PTK7: variants seen among roughly 807,000 people sequenced by gnomAD.
PTK7 encodes protein tyrosine kinase 7 (inactive).
A neutral mutation model predicts 116.6 loss-of-function variants in PTK7; 39 were observed. The ratio of observed to expected loss-of-function variants is 0.33; its 90% confidence interval spans 0.26 to 0.44. The LOEUF (loss-of-function observed/expected upper bound fraction) is 0.44, where lower values mean the gene tolerates loss of function less well. Ranked by LOEUF, PTK7 falls within the 20% of genes least tolerant of loss-of-function variation. The pLI is 1.00. For missense variants in PTK7, 1,169 were observed against 1,425.6 expected (o/e 0.82, Z 2.90); for synonymous variants, 546 against 563.6 (o/e 0.97, Z 0.44).
intron 17 of PTK7, among the ~76,000 whole-genome samples, chr6:43,149,905 G>A (rs1016397682): frequency 1.3e-5 from 2 of 152,184 alleles, no homozygotes; most frequent in African/African-American, 4.8e-5. Context: ...GGTAGGCAGG[G>A]TGTTCCCTGG....
intron 19 of PTK7, 76 bp downstream of exon 19, chr6:43,160,042 C>T: frequency 1.4e-6 from 2 of 1,464,546 alleles, no homozygotes; most frequent in Non-Finnish European, 1.8e-6. Context: ...AGGGCTGGTT[C>T]AGCCTACCTC....
chr6:43,091,820 G>C (rs1379543034), intron 1 of PTK7, among the ~76,000 whole-genome samples: 2 of 152,166 alleles, frequency 1.3e-5, no homozygotes, highest in South Asian at 4.2e-4. Flanking sequence ...CCAGTTTATC[G>C]AATGTCAGGG....
intron 5 of PTK7, among the ~76,000 whole-genome samples, chr6:43,131,015 G>T (rs1315428388): frequency 1.4e-5 from 2 of 146,684 alleles, no homozygotes; most frequent in African/African-American, 5.2e-5. Flanking sequence ...GCGTGATCCA[G>T]TGTGGCAAAG....
chr6:43,159,067 C>T, intron 18 of PTK7, 99 bp downstream of exon 18: 1 of 1,456,950 alleles, frequency 6.9e-7, no homozygotes, highest in East Asian at 2.3e-5. Context: ...GGTTTAGTGC[C>T]TGCTTAGTCC....
At position 43,109,010 on chromosome 6, in the gene PTK7, G is replaced by T. The variant is rs147821965; in HGVS notation, c.80-19967G>T. Among the ~76,000 whole-genome samples, 1,214 of 152,296 alleles carry T rather than the reference G, an allele frequency of 8.0e-3. 5 individuals are homozygous for T. The highest frequency in any genetic ancestry group is 0.017 in the Middle Eastern group (5 of 294). On this transcript the variant is annotated intron_variant, in intron 1 of 19. Coordinates refer to ENST00000230419, the MANE Select transcript of PTK7 (RefSeq NM_002821.5). ...ATTCTTTACTGATTTTCAAAATAAT[G>T]AGTTGGTTTTCTAACATTCTTCAAA...
chr6:43,099,323 C>T (rs778673947), intron 1 of PTK7, among the ~76,000 whole-genome samples: 9 of 151,098 alleles, frequency 6.0e-5, no homozygotes, highest in Non-Finnish European at 5.9e-5. Context: ...GCCTCGACTT[C>T]CCAGACTCAA....
intron 1 of PTK7, among the ~76,000 whole-genome samples, chr6:43,125,127 G>C (rs1292476299): frequency 1.3e-5 from 2 of 152,044 alleles, no homozygotes; most frequent in African/African-American, 4.8e-5. Context: ...AGCTGAGATT[G>C]TGCCATTGCA....
chr6:43,137,125 C>T (rs914393387), intron 7 of PTK7, among the ~76,000 whole-genome samples: 5 of 152,200 alleles, frequency 3.3e-5, no homozygotes, highest in Non-Finnish European at 5.9e-5. Flanking sequence ...TACCACACCA[C>T]ATTGGATGGG....
chr6:43,118,102 C>CT (rs10591741), intron 1 of PTK7, among the ~76,000 whole-genome samples: 10,552 of 122,968 alleles, frequency 0.086, 568 homozygotes, highest in African/African-American at 0.13. Flanking sequence ...TCAGATGGGC[C>CT]TTTTTTTTTT....
At chr6:43,160,653 G>C in intron 19 of PTK7, 68 bp from the exon 20 acceptor site, 1 of 1,573,412 alleles carries the variant, frequency 6.4e-7, no homozygotes, top group Admixed American at 1.7e-5. Context: ...TAAACTGCAA[G>C]GTCCACAAAG....
At chr6:43,078,863 C>T (rs746943626) in intron 1 of PTK7, among the ~76,000 whole-genome samples, 3 of 152,190 alleles carry the variant, frequency 2.0e-5, no homozygotes, top group Admixed American at 6.5e-5. Context: ...TTTCTTTCCT[C>T]CGGGCTCTTG....
At chr6:43,095,197 TAAAAAAAAAAA>T (rs34914497) in intron 1 of PTK7, among the ~76,000 whole-genome samples, 3 of 89,014 alleles carry the variant, frequency 3.4e-5, no homozygotes, top group Non-Finnish European at 6.5e-5. Flanking sequence ...CAGTCTCTAC[TAAAAAAAAAAA>T]AAAAAAAAAA....
intron 1 of PTK7, among the ~76,000 whole-genome samples, chr6:43,107,906 A>C (rs1030069254): frequency 6.6e-5 from 10 of 152,216 alleles, no homozygotes; most frequent in African/African-American, 1.9e-4. Context: ...GAAGCTTAGA[A>C]TCTAGTGGCG....
Position 43,138,925 on chromosome 6 carries a change from C to T in PTK7, c.1305C>T (p.Thr435=). The change falls in exon 8 of 20, where the codon ACC becomes ACT. Residue 435 remains threonine (T), a synonymous_variant. Coordinates refer to ENST00000230419, the MANE Select transcript of PTK7 (RefSeq NM_002821.5). ...EGKPGYLDCL[T]QATPKPTVVW... is the part of the protein sequence containing the mutation. ...AACCCGGCTACTTGGATTGCCTGAC[C>T]CAGGCCACACCAAAACCTACAGTTG... The T allele has an allele frequency of 6.2e-7, 1 of 1,614,174 alleles. No homozygotes were observed.
At chr6:43,105,125 A>T (rs547680590) in intron 1 of PTK7, among the ~76,000 whole-genome samples, 2,037 of 148,884 alleles carry the variant, frequency 0.014, 45 homozygotes, top group African/African-American at 0.043. Context: ...TTTTTTTTTT[A>T]AAAAAACTTC....
intron 1 of PTK7, among the ~76,000 whole-genome samples, chr6:43,120,509 G>T (rs1251304695): frequency 6.6e-6 from 1 of 152,206 alleles, no homozygotes; most frequent in African/African-American, 2.4e-5. Context: ...CTGGATCCCT[G>T]TTTGCAGCCC....
intron 1 of PTK7, among the ~76,000 whole-genome samples, chr6:43,116,959 G>A (rs1768590499): frequency 1.3e-5 from 2 of 152,042 alleles, no homozygotes; most frequent in African/African-American, 4.8e-5. Flanking sequence ...GAGTAGCTGG[G>A]ATTATAGGTG....
intron 1 of PTK7, among the ~76,000 whole-genome samples, chr6:43,092,774 G>T (rs757686930): frequency 1.4e-4 from 22 of 152,110 alleles, no homozygotes; most frequent in Non-Finnish European, 2.4e-4. Flanking sequence ...AACTGTGATG[G>T]TTATCTGTGG....
chr6:43,145,145 A>G lies in PTK7; in HGVS notation c.2408-55A>G. The stretch of plus-strand genomic sequence containing the variant: ...AGAGGCTAGGCCCCTCCCCCAGGTC[A>G]GGAGCTGCCTCGGCCTGGGTGAAGG... On this transcript the variant is annotated intron_variant, in intron 15 of 19. Transcript: ENST00000230419. This position sits in a 1 kb window ranked among gnomAD's most constrained non-coding sequence, Gnocchi z 4.8. 1 of 1,491,628 alleles carries G rather than the reference A, an allele frequency of 6.7e-7. No individual in the cohort carries two copies. The highest frequency in any genetic ancestry group is 1.3e-5 in the South Asian group (1 of 77,780). The allele number at this position is 1,491,628 out of a possible 1,614,324, so 92.4% of individuals were successfully genotyped here.
Sources: gnomAD v4.1 joint callset for allele counts (sites outside exome capture counted in the v4.1 genomes callset) on GRCh38, gnomAD v4.1.1 for gene constraint, Gnocchi (gnomAD v3.1) non-coding constraint, MANE v1.5 for transcripts, NCBI Gene and HGNC (gene_info 2026-07-23, HGNC 2026-07-21) for gene names.